Variants in FAT4 observed in about 807,000 individuals in gnomAD.
The protein encoded by FAT4 is FAT atypical cadherin 4.
A neutral mutation model predicts 303.9 loss-of-function variants in FAT4; 84 were observed. The observed-to-expected ratio is 0.28, with a 90% CI of 0.23 to 0.33. FAT4 has a LOEUF of 0.33. Among genes scored for constraint, FAT4 ranks in the 10% least tolerant of loss-of-function variants. The pLI is 1.00. For synonymous variants in FAT4, 2,307 were observed against 2,298.8 expected, an observed-to-expected ratio of 1.00 and a Z score of -0.10; for missense variants, 6,005 against 6,146.8, an observed-to-expected ratio of 0.98 and a Z score of 0.77.
Position 125,490,104 on chromosome 4 carries a change from G to A in FAT4, c.13288G>A (p.Gly4430Arg). 1.2e-6 allele frequency: 2 copies of A among 1,614,038 alleles called. No homozygotes were observed. Among genetic ancestry groups the A allele is most frequent in the Non-Finnish European group, 8.5e-7 (1 of 1,179,990 alleles). The change falls in exon 18 of 18, where the codon GGG (glycine) becomes AGG (arginine). Residue 4430 changes from glycine (G) to arginine (R), a missense_variant. By Grantham distance (125) the Gly-to-Arg change is moderately radical (BLOSUM62 -2). Transcript: ENST00000394329. ...GTATGCCTACAGGTGTGTCCCTCCT[G>A]GGGACTGTGCCTCCCACCCGTGCCA... ...QWYAYRCVPP[G>R]DCASHPCQNG...
At chr4:125,349,007 A>C (rs1560772721) in intron 2 of FAT4, among the ~76,000 whole-genome samples, 1 of 151,820 alleles carries the variant, frequency 6.6e-6, no homozygotes. Context: ...GAATCTATGC[A>C]TTGGGGATGT....
rs766064754 is a variant in FAT4 at position 125,449,774 on chromosome 4, A to T, written c.8764A>T (p.Ile2922Phe). 11 of 1,613,730 alleles carry T rather than the reference A, an allele frequency of 6.8e-6. No individual in the cohort carries two copies. Among genetic ancestry groups the T allele is most frequent in the South Asian group, 1.1e-5 (1 of 91,086 alleles). The change falls in exon 10 of 18, where the codon ATT becomes TTT. Residue 2922 changes from isoleucine (I) to phenylalanine (F), a missense_variant. Physicochemically the swap from Ile to Phe is conservative, Grantham distance 21. Coordinates refer to ENST00000394329, the MANE Select transcript of FAT4 (RefSeq NM_001291303.3). ...AAAATCCCAATCAGAATATTTCAGG[A>T]TTAATGCCACCACTGGAGAGATTTT... ...FIKSQSEYFR[I>F]NATTGEIFNK...
Position 125,416,429 on chromosome 4 carries a change from G to T in FAT4, c.6844-19G>T, listed in dbSNP as rs1270264516. The stretch of plus-strand genomic sequence containing the variant: ...GCATTGTTTGTTTTACTCACATCTT[G>T]GTATGTACTGTTCTACAGGTGGTGG... On this transcript the variant is annotated intron_variant, in intron 6 of 17. Coordinates refer to ENST00000394329, the MANE Select transcript of FAT4 (RefSeq NM_001291303.3). The T allele has an allele frequency of 1.3e-5, 21 of 1,604,152 alleles. No homozygotes were observed. Among genetic ancestry groups the T allele is most frequent in the Admixed American group, 1.7e-5 (1 of 59,084 alleles).
Position 125,317,401 on chromosome 4 carries a change from G to A in FAT4, c.990G>A (p.Val330=), listed in dbSNP as rs750795970. The A allele has an allele frequency of 6.2e-7, 1 of 1,613,544 alleles. No homozygotes were observed. The highest frequency in any genetic ancestry group is 8.5e-7 in the Non-Finnish European group (1 of 1,180,046). The part of the protein sequence containing the change: ...SLTVQAMDRG[V]PSLTGRAEAL... The stretch of plus-strand genomic sequence containing the variant: ...CGGTGCAGGCGATGGACAGAGGCGT[G>A]CCTTCCCTCACTGGGCGCGCCGAGG... Residue 330 remains valine, a synonymous_variant, in exon 2 of 18, where the codon GTG becomes GTA. Coordinates refer to ENST00000394329, the MANE Select transcript of FAT4 (RefSeq NM_001291303.3). This position sits in a 1 kb window ranked among gnomAD's most constrained non-coding sequence, Gnocchi z 7.0.
At position 125,451,483 on chromosome 4, in the gene FAT4, A is replaced by C; in HGVS notation, c.10473A>C (p.Ser3491=). ...TGGCTGTTGATTCAGGGACCCCCTC[A>C]GCTACAGGTAGTGCCTCTTTATTAG... ...SVLAVDSGTP[S]ATGSASLLVT... Residue 3491 remains serine, a synonymous_variant, in exon 10 of 18, where the codon TCA becomes TCC. Coordinates refer to ENST00000394329, the MANE Select transcript of FAT4 (RefSeq NM_001291303.3). 2 of 1,614,178 alleles carry C rather than the reference A, an allele frequency of 1.2e-6. No individual in the cohort carries two copies. The highest frequency in any genetic ancestry group is 1.7e-6 in the Non-Finnish European group (2 of 1,180,026).
chr4:125,387,248 G>C (rs2126003581), intron 2 of FAT4, among the ~76,000 whole-genome samples: 1 of 152,282 alleles, frequency 6.6e-6, no homozygotes, highest in South Asian at 2.1e-4. Flanking sequence ...TGTGTCTTTT[G>C]CATCAAAGAA....
At chr4:125,407,541 C>T (rs1049822607) in intron 4 of FAT4, among the ~76,000 whole-genome samples, 9 of 151,802 alleles carry the variant, frequency 5.9e-5, no homozygotes, top group East Asian at 5.8e-4. Flanking sequence ...GTGTGACCAA[C>T]GGCAAGTTAA....
intron 2 of FAT4, among the ~76,000 whole-genome samples, chr4:125,365,045 G>C (rs1029607709): frequency 2.6e-5 from 4 of 152,020 alleles, no homozygotes; most frequent in Non-Finnish European, 5.9e-5. Flanking sequence ...TTGAAGATGT[G>C]GTCCTGGTAT....
intron 15 of FAT4, among the ~76,000 whole-genome samples, chr4:125,480,361 A>G (rs2126086361): frequency 6.6e-6 from 1 of 152,252 alleles, no homozygotes; most frequent in East Asian, 1.9e-4. Flanking sequence ...TTAATTTTGA[A>G]TATTACTTTT....
Position 125,319,005 on chromosome 4 carries a change from A to C in FAT4, c.2594A>C (p.Lys865Thr), listed in dbSNP as rs770902345. 6.2e-6 allele frequency: 10 copies of C among 1,614,212 alleles called. No individual in the cohort carries two copies. The highest frequency in any genetic ancestry group is 8.5e-6 in the Non-Finnish European group (10 of 1,180,038). The change falls in exon 2 of 18, where the codon AAG (lysine) becomes ACG (threonine). Residue 865 changes from lysine to threonine, a missense_variant. By Grantham distance (78) the Lys-to-Thr change is moderately conservative. Coordinates refer to ENST00000394329, the MANE Select transcript of FAT4 (RefSeq NM_001291303.3). ...GAAGAGCAATCCTTTTATCAGCTGA[A>C]GGTAGTGGCCAGTGGGGGCACAGTG... ...DREEQSFYQL[K>T]VVASGGTVTG... is the part of the protein sequence containing the mutation.
intron 5 of FAT4, among the ~76,000 whole-genome samples, chr4:125,411,763 T>C (rs1325840014): frequency 1.3e-5 from 2 of 148,656 alleles, no homozygotes; most frequent in Non-Finnish European, 3.0e-5. Flanking sequence ...ATATATATTT[T>C]ATGTGCTGTG....
chr4:125,318,497 G>C lies in FAT4; in HGVS notation c.2086G>C (p.Ala696Pro), dbSNP rs1409513935. The C allele has an allele frequency of 6.2e-7, 1 of 1,614,104 alleles. No homozygotes were observed. The highest frequency in any genetic ancestry group is 1.3e-5 in the African/African-American group (1 of 75,018). Residue 696 changes from alanine (A) to proline (P), a missense_variant, in exon 2 of 18, where the codon GCT becomes CCT. Physicochemically the swap from Ala to Pro is conservative, Grantham distance 27 (BLOSUM62 -1). Transcript: ENST00000394329. The part of the protein sequence containing the change: ...SPVFYPVQYF[A>P]HIKENEPGGS... ...TGTCTTCTACCCGGTCCAATACTTT[G>C]CTCACATTAAGGAGAATGAGCCTGG...
Position 125,411,077 on chromosome 4 carries a change from T to A in FAT4, c.5920+2283T>A, listed in dbSNP as rs185245692. ...CAGACAATATTAGTCAGACATTTTTTAAAAATAACAAATTAACAAATAAAT... is the reference window on the plus strand; with the variant it reads ...CAGACAATATTAGTCAGACATTTTTAAAAAATAACAAATTAACAAATAAAT... On this transcript the variant is annotated intron_variant, in intron 5 of 17. Coordinates refer to ENST00000394329, the MANE Select transcript of FAT4 (RefSeq NM_001291303.3). Among the ~76,000 whole-genome samples, 21 of 152,152 alleles carry A rather than the reference T, an allele frequency of 1.4e-4. No homozygotes were observed. The East Asian group carries it at 4.1e-3, about 29-fold the overall frequency.
intron 2 of FAT4, among the ~76,000 whole-genome samples, chr4:125,344,812 C>G (rs1224355383): frequency 6.6e-6 from 1 of 151,972 alleles, no homozygotes; most frequent in African/African-American, 2.4e-5. Context: ...CTAACTGTCC[C>G]CCCTGCCCCC....
intron 2 of FAT4, among the ~76,000 whole-genome samples, chr4:125,355,742 G>A (rs1026320024): frequency 2.6e-5 from 4 of 151,738 alleles, no homozygotes; most frequent in Non-Finnish European, 1.5e-5. Context: ...ATAATCAGTG[G>A]ACTCAATTGA....
At position 125,450,539 on chromosome 4, in the gene FAT4, A is replaced by G; in HGVS notation, c.9529A>G (p.Thr3177Ala). The change falls in exon 10 of 18, where the codon ACT becomes GCT. Residue 3177 changes from threonine to alanine, a missense_variant. Coordinates refer to ENST00000394329, the MANE Select transcript of FAT4 (RefSeq NM_001291303.3). ...SAIDGGWVAR[T>A]GYCSVTVNVI... ...TATAGATGGAGGATGGGTTGCAAGA[A>G]CTGGTTACTGCAGTGTGACCGTAAA... The G allele has an allele frequency of 2.5e-6, 4 of 1,614,162 alleles. No individual in the cohort carries two copies. Among genetic ancestry groups the G allele is most frequent in the Non-Finnish European group, 3.4e-6 (4 of 1,180,028 alleles).
chr4:125,463,534 T>TA (rs750634260), intron 10 of FAT4, 29 bp from the exon 11 acceptor site: 477 of 1,403,742 alleles, frequency 3.4e-4, no homozygotes, highest in Non-Finnish European at 4.3e-4. Flanking sequence ...GTATGAGATT[T>TA]AAAAAAAACT....
intron 16 of FAT4, among the ~76,000 whole-genome samples, chr4:125,482,793 T>C (rs943144781): frequency 4.6e-5 from 7 of 152,262 alleles, no homozygotes; most frequent in Non-Finnish European, 8.8e-5. Context: ...GCCTCTTTCA[T>C]CCTCAAAATT....
chr4:125,469,923 A>G, intron 12 of FAT4, among the ~76,000 whole-genome samples: 1 of 152,254 alleles, frequency 6.6e-6, no homozygotes, highest in Middle Eastern at 3.4e-3. Context: ...CTTTGCCCAG[A>G]CCTATCAGAG....
Sources: allele counts gnomAD v4.1 joint callset (sites outside exome capture counted in the v4.1 genomes callset), GRCh38; gene constraint gnomAD v4.1.1; non-coding constraint Gnocchi (gnomAD v3.1); transcripts MANE v1.5; gene names NCBI Gene and HGNC (gene_info 2026-07-23, HGNC 2026-07-21).